Variants in GFY observed in about 807,000 individuals in gnomAD.
GFY encodes the protein golgi associated olfactory signaling regulator, also known as Golgi-associated olfactory signaling regulator.
GFY carries 28 observed loss-of-function variants against 29.1 expected under a neutral mutation model. That is an observed-to-expected ratio of 0.96 (90% CI 0.71 to 1.32). The LOEUF (loss-of-function observed/expected upper bound fraction) is 1.32. GFY is among the 40% of genes most tolerant of loss of function. The probability of loss-of-function intolerance (pLI) is 0.00; values close to 1 mark genes in which losing one functional copy is unlikely to be tolerated. For synonymous variants in GFY, 277 were observed against 274.5 expected (o/e 1.01, Z -0.09); for missense variants, 656 against 661.9 (o/e 0.99, Z 0.10).
At position 49,428,117 on chromosome 19, in the gene GFY, C is replaced by G. The variant is rs749508675; in HGVS notation, c.1355C>G (p.Pro452Arg). Residue 452 changes from proline to arginine, a missense_variant and splice_region_variant, in exon 3 of 4, where the codon CCG (proline) becomes CGG (arginine). Coordinates refer to ENST00000610896, the MANE Select transcript of GFY (RefSeq NM_001195256.2). ...HHRLPDDGDE[P>R]VLHLDAPKDP... Reference sequence around the variant, plus strand: ...CGGCTTCCGGACGACGGAGATGAACCGGGTGAGCGCCCTGCCCCTTGAATG... The same window carrying G: ...CGGCTTCCGGACGACGGAGATGAACGGGGTGAGCGCCCTGCCCCTTGAATG... 2.6e-6 allele frequency: 4 copies of G among 1,530,816 alleles called. No homozygotes were observed. The highest frequency in any genetic ancestry group is 3.5e-6 in the Non-Finnish European group (4 of 1,142,428). 94.8% of individuals were successfully genotyped at this position (1,530,816 alleles called of 1,614,324 possible).
rs1252176200 is a variant in GFY, at chr19:49,427,323, C to T, written c.893C>T (p.Ala298Val). Reference sequence around the variant, plus strand: ...GTGCCCTTCAAGGATGACGCCACTGCTCTAAATGAGCTGTCCCTGAATCCC... The same window carrying T: ...GTGCCCTTCAAGGATGACGCCACTGTTCTAAATGAGCTGTCCCTGAATCCC... Reference protein sequence around the residue: ...TPVPFKDDATALNELSLNPKP... With the variant: ...TPVPFKDDATVLNELSLNPKP... The change falls in exon 2 of 4, where the codon GCT (alanine) becomes GTT (valine). Residue 298 changes from alanine to valine, a missense_variant. Physicochemically the swap from Ala to Val is moderately conservative, Grantham distance 64 (BLOSUM62 0). Coordinates refer to ENST00000610896, the MANE Select transcript of GFY (RefSeq NM_001195256.2). 1.3e-6 allele frequency: 2 copies of T among 1,536,234 alleles called. No homozygotes were observed. The highest frequency in any genetic ancestry group is 8.7e-7 in the Non-Finnish European group (1 of 1,146,920).
At chr19:49,428,580 G>A (rs1248116255) in intron 3 of GFY, 39 bp from the exon 4 acceptor site, 3 of 1,375,016 alleles carry the variant, frequency 2.2e-6, no homozygotes, top group African/African-American at 3.0e-5. Flanking sequence ...GGGCCTGGAG[G>A]GTCAGCCCAG....
chr19:49,426,460 C>T lies in GFY; in HGVS notation c.30C>T (p.Leu10=), dbSNP rs1172615326. MKSFSRILF[L]VFLLAGLRSK... ...AATCATTCAGCCGGATCCTCTTCCT[C>T]GTCTTCCTCCTCGCCGGCCTGAGGT... The change falls in exon 2 of 4, where the codon CTC becomes CTT. Residue 10 remains leucine, a synonymous_variant. Transcript: ENST00000610896. 7.2e-6 allele frequency: 11 copies of T among 1,535,724 alleles called. No homozygotes were observed. Among genetic ancestry groups the T allele is most frequent in the East Asian group, 2.4e-5 (1 of 40,912 alleles).
Position 49,426,527 on chromosome 19 carries a change from T to A in GFY, c.97T>A (p.Phe33Ile). Residue 33 changes from phenylalanine (F) to isoleucine (I), a missense_variant, in exon 2 of 4, where the codon TTT (phenylalanine) becomes ATT (isoleucine). By Grantham distance (21) the Phe-to-Ile change is conservative. Coordinates refer to ENST00000610896, the MANE Select transcript of GFY (RefSeq NM_001195256.2). ...PSAPLPLGCGFPDMAHPSETS... is the reference protein window; with the variant it reads ...PSAPLPLGCGIPDMAHPSETS... ...AGCCCCTCTGCCTTTGGGCTGTGGC[T>A]TTCCGGACATGGCCCACCCCTCTGA... 1 of 1,536,160 alleles carries A rather than the reference T, an allele frequency of 6.5e-7. No individual in the cohort carries two copies. Among genetic ancestry groups the A allele is most frequent in the East Asian group, 2.4e-5 (1 of 40,916 alleles).
At position 49,427,352 on chromosome 19, in the gene GFY, C is replaced by A; in HGVS notation, c.922C>A (p.Pro308Thr). ...ALNELSLNPKPGTPAAIQPDS... is the reference protein window; with the variant it reads ...ALNELSLNPKTGTPAAIQPDS... ...AAATGAGCTGTCCCTGAATCCCAAA[C>A]CAGGAACACCTGCAGCCATCCAGCC... The change falls in exon 2 of 4, where the codon CCA becomes ACA. Residue 308 changes from proline to threonine, a missense_variant. Pro to Thr is a conservative substitution (Grantham distance 38). Transcript: ENST00000610896. 1 of 1,536,230 alleles carries A rather than the reference C, an allele frequency of 6.5e-7. No individual in the cohort carries two copies. The highest frequency in any genetic ancestry group is 8.7e-7 in the Non-Finnish European group (1 of 1,146,914).
At chr19:49,424,856 A>G (rs994576566), upstream of GFY, among the ~76,000 whole-genome samples, 13 of 151,962 alleles carry the variant, frequency 8.6e-5, no homozygotes, top group Admixed American at 8.5e-4. Flanking sequence ...AAAATTTAAA[A>G]AGAGGGGCCT....
At chr19:49,424,808 C>T (rs1300820300), upstream of GFY, among the ~76,000 whole-genome samples, 1 of 150,740 alleles carries the variant, frequency 6.6e-6, no homozygotes, top group Non-Finnish European at 1.5e-5. Context: ...GCACTCCAGC[C>T]TGGGCAACAG....
rs2078944925 is a variant in GFY, at chr19:49,428,721, C to T, written c.1460C>T (p.Pro487Leu). Residue 487 changes from proline to leucine, a missense_variant, in exon 4 of 4, where the codon CCT becomes CTT. Physicochemically the swap from Pro to Leu is moderately conservative, Grantham distance 98. Coordinates refer to ENST00000610896, the MANE Select transcript of GFY (RefSeq NM_001195256.2). Reference protein sequence around the residue: ...HIATKQPPPTPPLPPKLPPPP... With the variant: ...HIATKQPPPTLPLPPKLPPPP... ...GCCACCAAGCAGCCCCCGCCCACAC[C>T]TCCTCTGCCACCAAAGCTGCCCCCG... 1 of 1,530,738 alleles carries T rather than the reference C, an allele frequency of 6.5e-7. No individual in the cohort carries two copies. The highest frequency in any genetic ancestry group is 1.4e-5 in the African/African-American group (1 of 72,760). The allele number at this position is 1,530,738 out of a possible 1,614,324, so 94.8% of individuals were successfully genotyped here. A position where few individuals can be genotyped will look rare whatever the true frequency, so the allele number is the denominator to read the frequency against.
In GFY at chr19:49,427,386, C is replaced by A; in HGVS notation, c.956C>A (p.Pro319Gln). Residue 319 changes from proline (P) to glutamine (Q), a missense_variant, in exon 2 of 4, where the codon CCA (proline) becomes CAA (glutamine). Transcript: ENST00000610896. ...GTPAAIQPDSPKLPTSDSPGM... is the reference protein window; with the variant it reads ...GTPAAIQPDSQKLPTSDSPGM... ...CCTGCAGCCATCCAGCCCGACTCCC[C>A]AAAATTGCCCACTTCAGATTCTCCA... 6.5e-7 allele frequency: 1 copy of A among 1,536,084 alleles called. No individual in the cohort carries two copies. Among genetic ancestry groups the A allele is most frequent in the South Asian group, 1.2e-5 (1 of 84,046 alleles).
chr19:49,428,767 G>C lies in GFY; in HGVS notation c.1506G>C (p.Pro502=). 6.6e-7 allele frequency: 1 copy of C among 1,507,530 alleles called. No individual in the cohort carries two copies. The highest frequency in any genetic ancestry group is 1.2e-5 in the South Asian group (1 of 80,986). 93.4% of individuals were successfully genotyped at this position (1,507,530 alleles called of 1,614,324 possible). The part of the protein sequence containing the change: ...KLPPPPRGGR[P]QRLEALSPAT... ...CCCCGCCGCCCCGCGGGGGTCGCCC[G>C]CAGCGTCTGGAGGCCCTGTCCCCCG... is the stretch of plus-strand genomic sequence containing the variant. The change falls in exon 4 of 4, where the codon CCG becomes CCC. Residue 502 remains proline, a synonymous_variant. Transcript: ENST00000610896.
rs1975077455 is a variant in GFY, at chr19:49,426,747, A to G, written c.317A>G (p.Lys106Arg). ...TPHPESPETP[K>R]ADSLTTSISE... The stretch of plus-strand genomic sequence containing the variant: ...CACCCAGAGTCTCCTGAGACCCCCA[A>G]AGCTGACTCACTCACAACCTCAATA... The change falls in exon 2 of 4, where the codon AAA becomes AGA. Residue 106 changes from lysine to arginine, a missense_variant. By Grantham distance (26) the Lys-to-Arg change is conservative (BLOSUM62 2). Coordinates refer to ENST00000610896, the MANE Select transcript of GFY (RefSeq NM_001195256.2). 1 of 1,534,884 alleles carries G rather than the reference A, an allele frequency of 6.5e-7. No homozygotes were observed. The highest frequency in any genetic ancestry group is 1.2e-5 in the South Asian group (1 of 83,962).
Position 49,428,795 on chromosome 19 carries a change from A to ACGC in GFY, c.1535_1537dup (p.Thr512_Leu513insPro), listed in dbSNP as rs1306485280. ...GCGTCTGGAGGCCCTGTCCCCCGCC[A>ACGC]CGCTCCCCAACAACTTCGTGTGAGC... On this transcript the variant is annotated inframe_insertion, in exon 4 of 4. Coordinates refer to ENST00000610896, the MANE Select transcript of GFY (RefSeq NM_001195256.2). The ACGC allele has an allele frequency of 6.8e-7, 1 of 1,463,616 alleles. No individual in the cohort carries two copies. Among genetic ancestry groups the ACGC allele is most frequent in the East Asian group, 2.6e-5 (1 of 38,154 alleles). The allele number at this position is 1,463,616 out of a possible 1,614,324, so 90.7% of individuals were successfully genotyped here.
Position 49,427,459 on chromosome 19 carries a change from CAA to C in GFY, c.1030_1031del (p.Asn344ArgfsTer36). 1 of 1,535,656 alleles carries C rather than the reference CAA, an allele frequency of 6.5e-7. No homozygotes were observed. Among genetic ancestry groups the C allele is most frequent in the Non-Finnish European group, 8.7e-7 (1 of 1,146,582 alleles). ...APQNSGPKES[N>X]VPPPSARIAG... ...CCCAGAACTCTGGCCCTAAGGAGTC[CAA>C]CGTCCCTCCTCCCTCAGCCCGGATT... On this transcript the variant is annotated frameshift_variant, in exon 2 of 4. Transcript: ENST00000610896. LOFTEE classifies it high-confidence loss of function.
chr19:49,427,399 T>C lies in GFY; in HGVS notation c.969T>C (p.Thr323=). The change falls in exon 2 of 4, where the codon ACT becomes ACC. Residue 323 remains threonine, a synonymous_variant. Coordinates refer to ENST00000610896, the MANE Select transcript of GFY (RefSeq NM_001195256.2). ...AGCCCGACTCCCCAAAATTGCCCAC[T>C]TCAGATTCTCCAGGAATGGTTGAGC... ...AIQPDSPKLP[T]SDSPGMVELK... The C allele has an allele frequency of 1.3e-6, 2 of 1,535,998 alleles. No homozygotes were observed. Among genetic ancestry groups the C allele is most frequent in the Non-Finnish European group, 1.7e-6 (2 of 1,146,798 alleles).
At position 49,427,112 on chromosome 19, in the gene GFY, G is replaced by T; in HGVS notation, c.682G>T (p.Glu228Ter). 1.3e-6 allele frequency: 2 copies of T among 1,535,058 alleles called. No individual in the cohort carries two copies. Among genetic ancestry groups the T allele is most frequent in the Non-Finnish European group, 1.7e-6 (2 of 1,146,748 alleles). The change falls in exon 2 of 4, where the codon GAA becomes TAA. Residue 228 changes from glutamate (E) to a stop codon, truncating the protein, a stop_gained. Transcript: ENST00000610896. LOFTEE classifies it high-confidence loss of function. ...DLNSTETPNS[E>*]FLQALHPDPS... Reference sequence around the variant, plus strand: ...CAACTCCACTGAGACCCCAAACTCTGAATTTCTCCAAGCTCTCCATCCTGA... The same window carrying T: ...CAACTCCACTGAGACCCCAAACTCTTAATTTCTCCAAGCTCTCCATCCTGA...
At chr19:49,428,265 A>C in intron 3 of GFY, 146 bp downstream of exon 3, 3 of 1,080,322 alleles carry the variant, frequency 2.8e-6, no homozygotes, top group Non-Finnish European at 3.9e-6. Flanking sequence ...AGCCCCCTAA[A>C]TGTCTGCAAT....
Position 49,428,097 on chromosome 19 carries a change from TC to T in GFY, c.1337del (p.Pro446ArgfsTer?). On this transcript the variant is annotated frameshift_variant, in exon 3 of 4. Transcript: ENST00000610896. LOFTEE classifies it high-confidence loss of function. Reference protein sequence around the residue: ...RQRPFAHHRLPDDGDEPVLHL... With the variant: ...RQRPFAHHRLXDDGDEPVLHL... Reference sequence around the variant, plus strand: ...AGCGGCCCTTCGCACATCACCGGCTTCCGGACGACGGAGATGAACCGGGTGA... The same window carrying T: ...AGCGGCCCTTCGCACATCACCGGCTTCGGACGACGGAGATGAACCGGGTGA... 1 of 1,533,406 alleles carries T rather than the reference TC, an allele frequency of 6.5e-7. No individual in the cohort carries two copies. The highest frequency in any genetic ancestry group is 8.7e-7 in the Non-Finnish European group (1 of 1,144,612). 95.0% of individuals were successfully genotyped at this position (1,533,406 alleles called of 1,614,324 possible). A position where few individuals can be genotyped will look rare whatever the true frequency, so the allele number is the denominator to read the frequency against.
intron 3 of GFY, among the ~76,000 whole-genome samples, chr19:49,428,339 C>T (rs909426603): frequency 3.3e-5 from 5 of 152,128 alleles, no homozygotes; most frequent in African/African-American, 9.6e-5. Flanking sequence ...CAGAGCCGGC[C>T]GTCCCCGCCA....
intron 3 of GFY, among the ~76,000 whole-genome samples, 158 bp from the exon 4 acceptor site, chr19:49,428,461 C>T (rs1038990107): frequency 1.3e-4 from 20 of 152,002 alleles, no homozygotes; most frequent in African/African-American, 4.8e-4. Flanking sequence ...TCTGCAGCGG[C>T]CCCCACCCTT....
Sources: gnomAD v4.1 joint callset for allele counts (sites outside exome capture counted in the v4.1 genomes callset) on GRCh38, gnomAD v4.1.1 for gene constraint, MANE v1.5 for transcripts, NCBI Gene and HGNC (gene_info 2026-07-23, HGNC 2026-07-21) for gene names.